FLG: variants seen among roughly 807,000 people sequenced by gnomAD.
FLG encodes the protein epidermal filaggrin.
Under a neutral mutation model 3.8 loss-of-function variants are expected in FLG, and 6 were observed. That is an observed-to-expected ratio of 1.60 (90% CI 0.87 to 3.15). The LOEUF is 3.15. FLG is among the 30% of genes most tolerant of loss of function. The probability of loss-of-function intolerance (pLI) is 0.00; values close to 1 mark genes in which losing one functional copy is unlikely to be tolerated. For missense variants in FLG, 7,595 were observed against 5,050.9 expected (o/e 1.50, Z -15.27); for synonymous variants, 2,551 against 1,931.6 (o/e 1.32, Z -8.41).
At position 152,307,075 on chromosome 1, in the gene FLG, C is replaced by T. The variant is rs1158016917; in HGVS notation, c.7811G>A (p.Arg2604Lys). 2.5e-6 allele frequency: 4 copies of T among 1,609,718 alleles called. No homozygotes were observed. The highest frequency in any genetic ancestry group is 2.5e-6 in the Non-Finnish European group (3 of 1,179,530). ...GTCTTCTTGATGGGACCTGGGGTGT[C>T]TGGAGCCATCTCTTAGCTGCTCCTG... ...SAQEQLRDGSRHPRSHQEDRA... is the reference protein window; with the variant it reads ...SAQEQLRDGSKHPRSHQEDRA... Residue 2604 changes from arginine (R) to lysine (K), a missense_variant, in exon 3 of 3, where the codon AGA becomes AAA. By Grantham distance (26) the Arg-to-Lys change is conservative (BLOSUM62 2). Coordinates refer to ENST00000368799, the MANE Select transcript of FLG (RefSeq NM_002016.2).
At position 152,314,029 on chromosome 1, in the gene FLG, T is replaced by G. The variant is rs1652663884; in HGVS notation, c.857A>C (p.Glu286Ala). Residue 286 changes from glutamate to alanine, a missense_variant, in exon 3 of 3, where the codon GAG (glutamate) becomes GCG (alanine). Transcript: ENST00000368799. ...HENTSQVPLQ[E>A]SRTRKRRGSR... ...TCCCCTACGCTTTCTTGTCCTGGAC[T>G]CCTGCAATGGTACCTGGCTTGTATT... is the stretch of plus-strand genomic sequence containing the variant. 1 of 1,614,108 alleles carries G rather than the reference T, an allele frequency of 6.2e-7. No individual in the cohort carries two copies. The highest frequency in any genetic ancestry group is 1.3e-5 in the African/African-American group (1 of 74,952).
Position 152,311,256 on chromosome 1 carries a change from C to G in FLG, c.3630G>C (p.Gln1210His), listed in dbSNP as rs370983563. 6.8e-6 allele frequency: 11 copies of G among 1,613,814 alleles called. No homozygotes were observed. Among genetic ancestry groups the G allele is most frequent in the African/African-American group, 6.7e-5 (5 of 74,834 alleles). ...SQGRSDASHG[Q>H]SGSRSASRQT... is the part of the protein sequence containing the mutation. ...GTCTGCTTGCACTTCTGGATCCTGA[C>G]TGCCCATGGGAGGCATCAGACCTTC... is the stretch of plus-strand genomic sequence containing the variant. The change falls in exon 3 of 3, where the codon CAG becomes CAC. Residue 1210 changes from glutamine to histidine, a missense_variant. Gln to His is a conservative substitution (Grantham distance 24, BLOSUM62 0). Transcript: ENST00000368799.
Position 152,303,950 on chromosome 1 carries a change from G to C in FLG, c.10936C>G (p.Gln3646Glu), listed in dbSNP as rs765567868. The C allele has an allele frequency of 3.1e-6, 5 of 1,613,906 alleles. No individual in the cohort carries two copies. Among genetic ancestry groups the C allele is most frequent in the Middle Eastern group, 3.3e-4 (2 of 6,062 alleles). The change falls in exon 3 of 3, where the codon CAA (glutamine) becomes GAA (glutamate). Residue 3646 changes from glutamine (Q) to glutamate (E), a missense_variant. Gln to Glu is a conservative substitution (Grantham distance 29, BLOSUM62 2). Transcript: ENST00000368799. ...CTGTCTCTGACTGCAGATGAAGCTT[G>C]TCCGTGCCCAATGCCTGAGTGTCTG... ...SSRHSGIGHG[Q>E]ASSAVRDSGH...
Position 152,312,523 on chromosome 1 carries a change from C to A in FLG, c.2363G>T (p.Arg788Leu). The A allele has an allele frequency of 6.2e-7, 1 of 1,613,544 alleles. No individual in the cohort carries two copies. Among genetic ancestry groups the A allele is most frequent in the Non-Finnish European group, 8.5e-7 (1 of 1,179,894 alleles). Reference sequence around the variant, plus strand: ...CTGGTAGAGGAAAGACCCTGAACGTCGAGACCTTTCCCCTGACCGGTCACG... The same window carrying A: ...CTGGTAGAGGAAAGACCCTGAACGTAGAGACCTTTCCCCTGACCGGTCACG... ...SARDRSGERSRRSGSFLYQVS... is the reference protein window; with the variant it reads ...SARDRSGERSLRSGSFLYQVS... The change falls in exon 3 of 3, where the codon CGA (arginine) becomes CTA (leucine). Residue 788 changes from arginine to leucine, a missense_variant. Coordinates refer to ENST00000368799, the MANE Select transcript of FLG (RefSeq NM_002016.2).
chr1:152,306,355 T>G lies in FLG; in HGVS notation c.8531A>C (p.Glu2844Ala), dbSNP rs755924646. 2.5e-6 allele frequency: 4 copies of G among 1,601,744 alleles called. No individual in the cohort carries two copies. The highest frequency in any genetic ancestry group is 3.4e-6 in the Non-Finnish European group (4 of 1,179,784). Residue 2844 changes from glutamate (E) to alanine (A), a missense_variant, in exon 3 of 3, where the codon GAG (glutamate) becomes GCG (alanine). By Grantham distance (107) the Glu-to-Ala change is moderately radical. Transcript: ENST00000368799. ...CCTGGAGCCGTCTCCTGATTGTTCC[T>G]CATTACGTGTTGTTCTGCTTGCACT... ...SRSASRTTRN[E>A]EQSGDGSRHS...
In FLG at chr1:152,307,076, T is replaced by C; in HGVS notation, c.7810A>G (p.Arg2604Gly). 6.2e-7 allele frequency: 1 copy of C among 1,610,036 alleles called. No individual in the cohort carries two copies. The highest frequency in any genetic ancestry group is 8.5e-7 in the Non-Finnish European group (1 of 1,179,566). The change falls in exon 3 of 3, where the codon AGA becomes GGA. Residue 2604 changes from arginine (R) to glycine (G), a missense_variant. Transcript: ENST00000368799. ...TCTTCTTGATGGGACCTGGGGTGTC[T>C]GGAGCCATCTCTTAGCTGCTCCTGA... ...SAQEQLRDGS[R>G]HPRSHQEDRA... is the part of the protein sequence containing the mutation.
chr1:152,304,815 G>A lies in FLG; in HGVS notation c.10071C>T (p.Gly3357=), dbSNP rs1454721129. Residue 3357 remains glycine (G), a synonymous_variant, in exon 3 of 3, where the codon GGC becomes GGT. Coordinates refer to ENST00000368799, the MANE Select transcript of FLG (RefSeq NM_002016.2). ...SEESDTQSVS[G]HGQAGPHQQS... is the part of the protein sequence containing the mutation. The stretch of plus-strand genomic sequence containing the variant: ...GCTGATGGGGCCCAGCCTGTCCATG[G>A]CCTGACACTGACTGTGTGTCTGACT... 1.9e-6 allele frequency: 3 copies of A among 1,613,752 alleles called. No homozygotes were observed. The highest frequency in any genetic ancestry group is 2.2e-5 in the East Asian group (1 of 44,842).
Position 152,307,864 on chromosome 1 carries a change from G to T in FLG, c.7022C>A (p.Ser2341Tyr). Residue 2341 changes from serine to tyrosine, a missense_variant, in exon 3 of 3, where the codon TCC becomes TAC. By Grantham distance (144) the Ser-to-Tyr change is moderately radical. Coordinates refer to ENST00000368799, the MANE Select transcript of FLG (RefSeq NM_002016.2). ...TCCGTGCCCAATGCCTGAGTGTCTG[G>T]AGCTGTCTGCTGACTGCTGGTGGTG... is the stretch of plus-strand genomic sequence containing the variant. ...GSHHQQSADSSRHSGIGHGQA... is the reference protein window; with the variant it reads ...GSHHQQSADSYRHSGIGHGQA... 1 of 1,613,098 alleles carries T rather than the reference G, an allele frequency of 6.2e-7. No homozygotes were observed. Among genetic ancestry groups the T allele is most frequent in the Non-Finnish European group, 8.5e-7 (1 of 1,179,706 alleles).
rs1248429541 is a variant in FLG at position 152,312,543 on chromosome 1, G to T, written c.2343C>A (p.Asp781Glu). The change falls in exon 3 of 3, where the codon GAC becomes GAA. Residue 781 changes from aspartate to glutamate, a missense_variant. Transcript: ENST00000368799. ...AACGTCGAGACCTTTCCCCTGACCG[G>T]TCACGTGCGGACTCTTGGTGGCTCT... is the stretch of plus-strand genomic sequence containing the variant. Reference protein sequence around the residue: ...HQQSHQESARDRSGERSRRSG... With the variant: ...HQQSHQESARERSGERSRRSG... The T allele has an allele frequency of 1.2e-6, 2 of 1,613,628 alleles. No homozygotes were observed. Among genetic ancestry groups the T allele is most frequent in the African/African-American group, 1.3e-5 (1 of 74,804 alleles).
intron 1 of FLG, among the ~76,000 whole-genome samples, chr1:152,320,713 A>G (rs960426394): frequency 6.6e-6 from 1 of 151,130 alleles, no homozygotes. Context: ...TAAAACATCA[A>G]CATACATTGA....
Position 152,311,401 on chromosome 1 carries a change from T to A in FLG, c.3485A>T (p.Gln1162Leu). Residue 1162 changes from glutamine to leucine, a missense_variant, in exon 3 of 3, where the codon CAG (glutamine) becomes CTG (leucine). Gln to Leu is a moderately radical substitution (Grantham distance 113). Transcript: ENST00000368799. Reference sequence around the variant, plus strand: ...CCCCGGGTGTGCACGAATGGTGTCCTGACCCTCTTGGGACGCTGAGTGCCT... The same window carrying A: ...CCCCGGGTGTGCACGAATGGTGTCCAGACCCTCTTGGGACGCTGAGTGCCT... ...SSRHSASQEG[Q>L]DTIRAHPGSR... The A allele has an allele frequency of 6.2e-7, 1 of 1,613,900 alleles. No homozygotes were observed. Among genetic ancestry groups the A allele is most frequent in the South Asian group, 1.1e-5 (1 of 91,056 alleles).
Position 152,309,783 on chromosome 1 carries a change from T to C in FLG, c.5103A>G (p.Gln1701=). 2 of 1,613,918 alleles carry C rather than the reference T, an allele frequency of 1.2e-6. No homozygotes were observed. Among genetic ancestry groups the C allele is most frequent in the Non-Finnish European group, 1.7e-6 (2 of 1,179,964 alleles). Residue 1701 remains glutamine (Q), a synonymous_variant, in exon 3 of 3, where the codon CAA becomes CAG. Transcript: ENST00000368799. The part of the protein sequence containing the change: ...SSTDSGTGRR[Q]DSSVVGDSGN... ...CACTGTCTCCGACTACAGATGAATC[T>C]TGTCTGCGCCCAGTGCCTGAGTCTG... is the stretch of plus-strand genomic sequence containing the variant.
chr1:152,315,251 T>C lies in FLG; in HGVS notation c.138+68A>G, dbSNP rs558823903. 2.6e-5 allele frequency: 37 copies of C among 1,441,262 alleles called. No individual in the cohort carries two copies. In the African/African-American group the frequency reaches 4.8e-4, roughly 19 times the overall value. The allele number at this position is 1,441,262 out of a possible 1,614,324, so 89.3% of individuals were successfully genotyped here. A position where few individuals can be genotyped will look rare whatever the true frequency, so the allele number is the denominator to read the frequency against. On this transcript the variant is annotated intron_variant, in intron 2 of 2. Coordinates refer to ENST00000368799, the MANE Select transcript of FLG (RefSeq NM_002016.2). Reference sequence around the variant, plus strand: ...GAAATAGTTCACAAAGAGCTCAAAATAACCCTTGCTTAGATTATTGATGAG... The same window carrying C: ...GAAATAGTTCACAAAGAGCTCAAAACAACCCTTGCTTAGATTATTGATGAG...
At position 152,308,847 on chromosome 1, in the gene FLG, T is replaced by A. The variant is rs777442404; in HGVS notation, c.6039A>T (p.Ser2013=). The A allele has an allele frequency of 6.2e-7, 1 of 1,614,192 alleles. No individual in the cohort carries two copies. The highest frequency in any genetic ancestry group is 1.3e-5 in the African/African-American group (1 of 75,062). The change falls in exon 3 of 3, where the codon TCA becomes TCT. Residue 2013 remains serine (S), a synonymous_variant. Coordinates refer to ENST00000368799, the MANE Select transcript of FLG (RefSeq NM_002016.2). ...ERHGSHHQLQ[S]ADSSRHSGIG... is the part of the protein sequence containing the mutation. ...TGCCTGAGTGTCTGGAGCTGTCTGC[T>A]GACTGGAGCTGGTGGTGGGATCCAT... is the stretch of plus-strand genomic sequence containing the variant.
intron 1 of FLG, among the ~76,000 whole-genome samples, chr1:152,317,724 T>G (rs1652834559): frequency 1.3e-5 from 2 of 152,082 alleles, no homozygotes; most frequent in African/African-American, 4.8e-5. Context: ...CCCCAGTCAC[T>G]GACTGTCCCC....
In FLG at chr1:152,311,549, G is replaced by T. The variant is rs768459532; in HGVS notation, c.3337C>A (p.Arg1113Ser). The part of the protein sequence containing the change: ...ARDWSGGRSG[R>S]SGSFIYQVST... ...ACCTGGTAGATGAAAGACCCTGAAC[G>T]TCCAGACCTTCCCCCTGACCAGTCA... The change falls in exon 3 of 3, where the codon CGT becomes AGT. Residue 1113 changes from arginine to serine, a missense_variant. By Grantham distance (110) the Arg-to-Ser change is moderately radical. Transcript: ENST00000368799. 11 of 1,613,764 alleles carry T rather than the reference G, an allele frequency of 6.8e-6. No individual in the cohort carries two copies. The highest frequency in any genetic ancestry group is 4.4e-5 in the South Asian group (4 of 91,050).
In FLG at chr1:152,315,359, A is replaced by G. The variant is rs1224396485; in HGVS notation, c.98T>C (p.Leu33Pro). 7 of 1,613,420 alleles carry G rather than the reference A, an allele frequency of 4.3e-6. No homozygotes were observed. Among genetic ancestry groups the G allele is most frequent in the Non-Finnish European group, 5.9e-6 (7 of 1,179,564 alleles). ...KNTDTLSKKE[L>P]KELLEKEFRQ... ...AAATTCCTTTTCCAGAAGTTCCTTC[A>G]GCTCTTTTTTACTCAATGTGTCAGT... Residue 33 changes from leucine (L) to proline (P), a missense_variant, in exon 2 of 3, where the codon CTG becomes CCG. Leu to Pro is a moderately conservative substitution (Grantham distance 98). Transcript: ENST00000368799.
chr1:152,307,065 C>A lies in FLG; in HGVS notation c.7821G>T (p.Arg2607Ser), dbSNP rs755017402. 2.5e-6 allele frequency: 4 copies of A among 1,608,296 alleles called. No homozygotes were observed. Among genetic ancestry groups the A allele is most frequent in the Non-Finnish European group, 3.4e-6 (4 of 1,179,242 alleles). ...GACCAGCTCTGTCTTCTTGATGGGACCTGGGGTGTCTGGAGCCATCTCTTA... is the reference window on the plus strand; with the variant it reads ...GACCAGCTCTGTCTTCTTGATGGGAACTGGGGTGTCTGGAGCCATCTCTTA... ...EQLRDGSRHP[R>S]SHQEDRAGHG... Residue 2607 changes from arginine to serine, a missense_variant, in exon 3 of 3, where the codon AGG becomes AGT. Physicochemically the swap from Arg to Ser is moderately radical, Grantham distance 110. Coordinates refer to ENST00000368799, the MANE Select transcript of FLG (RefSeq NM_002016.2).
chr1:152,311,558 T>C lies in FLG; in HGVS notation c.3328A>G (p.Arg1110Gly). 1 of 1,613,948 alleles carries C rather than the reference T, an allele frequency of 6.2e-7. No individual in the cohort carries two copies. Among genetic ancestry groups the C allele is most frequent in the South Asian group, 1.1e-5 (1 of 91,060 alleles). Residue 1110 changes from arginine (R) to glycine (G), a missense_variant, in exon 3 of 3, where the codon AGG (arginine) becomes GGG (glycine). Coordinates refer to ENST00000368799, the MANE Select transcript of FLG (RefSeq NM_002016.2). The stretch of plus-strand genomic sequence containing the variant: ...ATGAAAGACCCTGAACGTCCAGACC[T>C]TCCCCCTGACCAGTCACGTGCGGAC... ...QESARDWSGG[R>G]SGRSGSFIYQ...
Sources: allele counts gnomAD v4.1 joint callset (sites outside exome capture counted in the v4.1 genomes callset), GRCh38; gene constraint gnomAD v4.1.1; transcripts MANE v1.5; gene names NCBI Gene and HGNC (gene_info 2026-07-23, HGNC 2026-07-21).